The following CNGB3 variants were observed in gnomAD, a reference collection of about 807,000 sequenced individuals.
CNGB3 encodes cyclic nucleotide gated channel subunit beta 3, also known as cyclic nucleotide-gated channel beta-3.
A neutral mutation model predicts 92.8 loss-of-function variants in CNGB3; 86 were observed. That is an observed-to-expected ratio of 0.93 (90% CI 0.78 to 1.11). The LOEUF is 1.11. Among genes scored for constraint, CNGB3 ranks in the 50% least tolerant of loss-of-function variants. CNGB3 has a pLI of 0.00. For missense variants in CNGB3, 1,026 were observed against 956.8 expected (o/e 1.07, Z -0.95); for synonymous variants, 333 against 332.7 (o/e 1.00, Z -0.01).
Position 86,668,162 on chromosome 8 carries a change from G to A in CNGB3, c.500C>T (p.Pro167Leu), listed in dbSNP as rs142772954. 30 of 1,611,574 alleles carry A rather than the reference G, an allele frequency of 1.9e-5. No individual in the cohort carries two copies. Among genetic ancestry groups the A allele is most frequent in the Non-Finnish European group, 2.5e-5 (30 of 1,179,300 alleles). The change falls in exon 5 of 18, where the codon CCC (proline) becomes CTC (leucine). Residue 167 changes from proline (P) to leucine (L), a missense_variant. By Grantham distance (98) the Pro-to-Leu change is moderately conservative (BLOSUM62 -3). Coordinates refer to ENST00000320005, the MANE Select transcript of CNGB3 (RefSeq NM_019098.5). ...SPEASPQTAKPTAVPPVKESD... is the reference protein window; with the variant it reads ...SPEASPQTAKLTAVPPVKESD... ...TTCTTTTACTGGTGGTACAGCCGTG[G>A]GCTTTGCTTCATAGGGAAAAAAAAA...
chr8:86,702,577 T>C (rs1313131957), intron 3 of CNGB3, among the ~76,000 whole-genome samples: 1 of 152,190 alleles, frequency 6.6e-6, no homozygotes, highest in East Asian at 1.9e-4. Context: ...TCTAAAGAAG[T>C]ATCATTAACA....
chr8:86,697,485 C>T (rs1586023461), intron 3 of CNGB3, among the ~76,000 whole-genome samples: 1 of 152,100 alleles, frequency 6.6e-6, no homozygotes, highest in Non-Finnish European at 1.5e-5. Flanking sequence ...TCAGTGGGCA[C>T]AATTGTTCAG....
At chr8:86,608,642 C>T (rs1027194315) in intron 14 of CNGB3, among the ~76,000 whole-genome samples, 2 of 152,198 alleles carry the variant, frequency 1.3e-5, no homozygotes, top group African/African-American at 4.8e-5. Context: ...CCTAGCTCTG[C>T]CTTCTAAATA....
chr8:86,651,274 C>G (rs1183955178), intron 7 of CNGB3, among the ~76,000 whole-genome samples: 1 of 151,560 alleles, frequency 6.6e-6, no homozygotes, highest in African/African-American at 2.4e-5. Flanking sequence ...ATCCATGTAA[C>G]CAAAAACCAC....
intron 6 of CNGB3, chr8:86,657,874 C>A (rs184092186): frequency 5.6e-6 from 3 of 538,426 alleles, no homozygotes; most frequent in African/African-American, 1.9e-5. Flanking sequence ...TACTTTCCTG[C>A]GGGAGGACAG....
chr8:86,621,233 G>A (rs765050472), intron 13 of CNGB3, among the ~76,000 whole-genome samples: 3 of 152,060 alleles, frequency 2.0e-5, no homozygotes, highest in African/African-American at 4.8e-5. Flanking sequence ...AATTAAGTTC[G>A]TCATTCAGGT....
intron 3 of CNGB3, chr8:86,704,324 G>C (rs1206160506): frequency 6.6e-6 from 1 of 152,244 alleles, no homozygotes; most frequent in African/African-American, 2.4e-5. Context: ...TCGTGTTGCT[G>C]TCTCACAGAT....
At chr8:86,740,052 A>G (rs950930581) in intron 1 of CNGB3, among the ~76,000 whole-genome samples, 2 of 152,200 alleles carry the variant, frequency 1.3e-5, no homozygotes, top group African/African-American at 2.4e-5. Flanking sequence ...AGAACTTAAA[A>G]TAGTGGAGAG....
intron 15 of CNGB3, 80 bp downstream of exon 15, chr8:86,604,013 G>A (rs533241605): frequency 1.0e-5 from 9 of 883,108 alleles, no homozygotes; most frequent in East Asian, 4.9e-5. Flanking sequence ...AAATCTGAGC[G>A]GGAACTTATT....
chr8:86,714,786 C>G (rs1478720438), intron 3 of CNGB3, among the ~76,000 whole-genome samples: 1 of 152,110 alleles, frequency 6.6e-6, no homozygotes, highest in African/African-American at 2.4e-5. Context: ...GAAATAGACT[C>G]AGTGCTACTG....
intron 12 of CNGB3, among the ~76,000 whole-genome samples, chr8:86,627,774 G>A: frequency 6.6e-6 from 1 of 152,292 alleles, no homozygotes; most frequent in East Asian, 1.9e-4. Context: ...AGGCAGGATG[G>A]GAGTGGCCTG....
chr8:86,628,025 TAAC>T (rs1490069565), intron 12 of CNGB3, among the ~76,000 whole-genome samples: 1 of 152,202 alleles, frequency 6.6e-6, no homozygotes, highest in African/African-American at 2.4e-5. Context: ...ATTTTCTTAA[TAAC>T]ATTTTCTTTT....
intron 17 of CNGB3, among the ~76,000 whole-genome samples, chr8:86,577,879 A>G (rs1821687701): frequency 6.6e-6 from 1 of 152,092 alleles, no homozygotes; most frequent in Non-Finnish European, 1.5e-5. Context: ...CATGGCACTA[A>G]AAGTGTCACT....
At chr8:86,662,294 C>T (rs1169751501) in intron 6 of CNGB3, among the ~76,000 whole-genome samples, 1 of 152,180 alleles carries the variant, frequency 6.6e-6, no homozygotes, top group Non-Finnish European at 1.5e-5. Context: ...ATAAAATCCT[C>T]GAACTGAGAT....
chr8:86,709,859 A>T (rs532272322), intron 3 of CNGB3, among the ~76,000 whole-genome samples: 3 of 152,324 alleles, frequency 2.0e-5, no homozygotes, highest in African/African-American at 4.8e-5. Flanking sequence ...TCAGAAATTT[A>T]AAAAATATGT....
intron 3 of CNGB3, among the ~76,000 whole-genome samples, chr8:86,695,142 C>T (rs1378033291): frequency 2.4e-5 from 3 of 125,254 alleles, no homozygotes; most frequent in African/African-American, 9.6e-5. Context: ...CAAAAAAATA[C>T]GAAAACCAGT....
intron 3 of CNGB3, among the ~76,000 whole-genome samples, chr8:86,699,140 C>T (rs375901707): frequency 7.2e-5 from 11 of 152,130 alleles, no homozygotes; most frequent in South Asian, 6.2e-4. Flanking sequence ...AAAGTTACGC[C>T]CACAACTGGA....
At chr8:86,584,370 CTG>C (rs1429314311) in intron 15 of CNGB3, among the ~76,000 whole-genome samples, 2 of 152,116 alleles carry the variant, frequency 1.3e-5, no homozygotes, top group African/African-American at 4.8e-5. Flanking sequence ...CTGAGAATAT[CTG>C]TATATGTATG....
Position 86,578,870 on chromosome 8 carries a change from G to C in CNGB3, c.1929-7C>G. The C allele has an allele frequency of 6.2e-7, 1 of 1,614,140 alleles. No individual in the cohort carries two copies. The highest frequency in any genetic ancestry group is 1.1e-5 in the South Asian group (1 of 91,084). On this transcript the variant is annotated splice_region_variant and splice_polypyrimidine_tract_variant and intron_variant, in intron 16 of 17. Coordinates refer to ENST00000320005, the MANE Select transcript of CNGB3 (RefSeq NM_019098.5). ...CTTCTGCTTTAAAAGCACTCTGTGGGTAAGAGAGAAAAGCTGTTTTAGGTA... is the reference window on the plus strand; with the variant it reads ...CTTCTGCTTTAAAAGCACTCTGTGGCTAAGAGAGAAAAGCTGTTTTAGGTA...
Sources: allele counts gnomAD v4.1 joint callset (sites outside exome capture counted in the v4.1 genomes callset), GRCh38; gene constraint gnomAD v4.1.1; transcripts MANE v1.5; gene names NCBI Gene and HGNC (gene_info 2026-07-23, HGNC 2026-07-21).